BRSK2: variants seen among roughly 807,000 people sequenced by gnomAD.
BRSK2 encodes serine/threonine-protein kinase BRSK2.
In BRSK2, 19 loss-of-function variants were observed where a neutral mutation model predicts 83.3. The ratio of observed to expected loss-of-function variants is 0.23; its 90% CI spans 0.16 to 0.33. The LOEUF (loss-of-function observed/expected upper bound fraction) is 0.33, where lower values mean the gene tolerates loss of function less well. BRSK2 is among the 10% of genes least tolerant of loss of function. The pLI is 1.00. For missense variants in BRSK2, 798 were observed against 1,042.3 expected (o/e 0.77, Z 3.23); for synonymous variants, 519 against 435.4 (o/e 1.19, Z -2.39).
At position 1,442,565 on chromosome 11, in the gene BRSK2, G is replaced by A. The variant is rs61742447; in HGVS notation, c.489G>A (p.Ala163=). ...TCCGCATCGCAGACTTTGGCATGGC[G>A]TCCCTGCAGGTTGGCGACAGCCTGT... ...NNIRIADFGM[A]SLQVGDSLLE... The change falls in exon 5 of 20, where the codon GCG becomes GCA. Residue 163 remains alanine (A), a synonymous_variant. Coordinates refer to ENST00000528841, the MANE Select transcript of BRSK2 (RefSeq NM_001256627.2). 2,282 of 1,612,996 alleles carry A rather than the reference G, an allele frequency of 1.4e-3. 29 individuals are homozygous for A. In the African/African-American group the frequency reaches 0.027, roughly 19 times the overall value.
chr11:1,443,465 AC>A (rs1178877760), intron 7 of BRSK2, 23 bp from the exon 8 acceptor site: 2 of 1,560,280 alleles, frequency 1.3e-6, no homozygotes, highest in Non-Finnish European at 8.7e-7. Context: ...CCCCACGCTG[AC>A]CCCCACACCC....
intron 18 of BRSK2, 66 bp downstream of exon 18, chr11:1,456,753 C>T (rs1042898427): frequency 4.2e-5 from 63 of 1,502,280 alleles, no homozygotes; most frequent in Non-Finnish European, 5.2e-5. Context: ...TGGTGCTGCG[C>T]GGACGGGAGG....
At chr11:1,453,607 T>C (rs955405746) in intron 15 of BRSK2, among the ~76,000 whole-genome samples, 3 of 152,046 alleles carry the variant, frequency 2.0e-5, no homozygotes, top group African/African-American at 7.3e-5. Flanking sequence ...TCCCCGTGCT[T>C]GTCCGGCAGG....
intron 1 of BRSK2, chr11:1,411,338 G>A (rs957793611): frequency 7.1e-6 from 10 of 1,398,772 alleles, no homozygotes; most frequent in Non-Finnish European, 8.3e-6. Context: ...CCGGAGCAGG[G>A]GGCACAGTTC....
Position 1,445,476 on chromosome 11 carries a change from C to G in BRSK2, c.977+18C>G, listed in dbSNP as rs761722307. On this transcript the variant is annotated intron_variant, in intron 10 of 19. Coordinates refer to ENST00000528841, the MANE Select transcript of BRSK2 (RefSeq NM_001256627.2). ...TCCGAGGAGTGCGTCTGGGGCTGCT[C>G]CCGGGTGGGGCACGGGGCCTGAGGT... The G allele has an allele frequency of 1.9e-6, 3 of 1,610,960 alleles. No individual in the cohort carries two copies. Among genetic ancestry groups the G allele is most frequent in the Admixed American group, 3.3e-5 (2 of 59,888 alleles).
intron 1 of BRSK2, among the ~76,000 whole-genome samples, chr11:1,422,911 G>A (rs1385578234): frequency 6.6e-6 from 1 of 152,218 alleles, no homozygotes; most frequent in Non-Finnish European, 1.5e-5. Flanking sequence ...CCAACCTGGT[G>A]ATGTGGTGTC....
chr11:1,395,832 A>G (rs1273184961), intron 1 of BRSK2, among the ~76,000 whole-genome samples: 2 of 152,092 alleles, frequency 1.3e-5, no homozygotes, highest in Non-Finnish European at 2.9e-5. Flanking sequence ...TGTGCCAGGG[A>G]GGGCTTTCCA....
chr11:1,424,803 G>T (rs940197713), intron 1 of BRSK2, among the ~76,000 whole-genome samples: 6 of 151,536 alleles, frequency 4.0e-5, no homozygotes, highest in Admixed American at 1.3e-4. Context: ...TGCCAGGTGG[G>T]CTCCCTGGGA....
At chr11:1,425,412 G>C (rs543849704) in intron 1 of BRSK2, among the ~76,000 whole-genome samples, 1 of 152,200 alleles carries the variant, frequency 6.6e-6, no homozygotes, top group African/African-American at 2.4e-5. Context: ...CCAGGAGGAA[G>C]CTGTGGTGTC....
chr11:1,434,069 A>C lies in BRSK2; in HGVS notation c.92-1971A>C, dbSNP rs565622762. Among the ~76,000 whole-genome samples, 8 of 152,402 alleles carry C rather than the reference A, an allele frequency of 5.2e-5. No homozygotes were observed. In the East Asian group the frequency reaches 1.5e-3, roughly 29 times the overall value. ...GAGACAAAGGATTAATTTCCCAAAA[A>C]AATCAAAGGGCTCTTGCAAATTGGT... On this transcript the variant is annotated intron_variant, in intron 1 of 19. Coordinates refer to ENST00000528841, the MANE Select transcript of BRSK2 (RefSeq NM_001256627.2).
Position 1,460,696 on chromosome 11 carries a change from G to A in BRSK2, c.2184G>A (p.Pro728=), listed in dbSNP as rs1264594188. 2.5e-5 allele frequency: 37 copies of A among 1,474,680 alleles called. No homozygotes were observed. The highest frequency in any genetic ancestry group is 5.1e-5 in the East Asian group (2 of 39,034). The allele number at this position is 1,474,680 out of a possible 1,614,324, so 91.3% of individuals were successfully genotyped here. A position where few individuals can be genotyped will look rare whatever the true frequency, so the allele number is the denominator to read the frequency against. ...GCAAGGACACGGCCAAGATGGGCCC[G>A]CCCACCGCCCGCCGCGAGCAGCCTT... ...PTGKDTAKMG[P]PTARREQP is the part of the protein sequence containing the mutation. The change falls in exon 20 of 20, where the codon CCG becomes CCA. Residue 728 remains proline (P), a synonymous_variant. Transcript: ENST00000528841.
rs200527563 is a variant in BRSK2 at position 1,451,428 on chromosome 11, C to A, written c.1544+9C>A. 2 of 1,612,622 alleles carry A rather than the reference C, an allele frequency of 1.2e-6. No homozygotes were observed. Among genetic ancestry groups the A allele is most frequent in the South Asian group, 2.2e-5 (2 of 91,076 alleles). The stretch of plus-strand genomic sequence containing the variant: ...CCAGAGTCGTCCCCAGAGTAAGTGG[C>A]CCCTGCTGGAGGCCTCCTGGTACCT... On this transcript the variant is annotated intron_variant, in intron 15 of 19. Transcript: ENST00000528841.
At chr11:1,444,865 C>T (rs1851802679) in intron 8 of BRSK2, 106 bp from the exon 9 acceptor site, 2 of 1,051,038 alleles carry the variant, frequency 1.9e-6, no homozygotes, top group African/African-American at 1.6e-5. Context: ...CTCACCCTCT[C>T]CTGCTCTCTC....
In BRSK2 at chr11:1,438,489, C is replaced by A; in HGVS notation, c.272+98C>A. 9.1e-7 allele frequency: 1 copy of A among 1,100,176 alleles called. No individual in the cohort carries two copies. The allele number at this position is 1,100,176 out of a possible 1,614,324, so 68.2% of individuals were successfully genotyped here. ...GCTTGGGGAGCACAGGGGCTGGAGG[C>A]CAGGGGCGCCTGCTGCATCCCAGCA... is the stretch of plus-strand genomic sequence containing the variant. On this transcript the variant is annotated intron_variant, in intron 3 of 19. Coordinates refer to ENST00000528841, the MANE Select transcript of BRSK2 (RefSeq NM_001256627.2). This position sits in a 1 kb window ranked among gnomAD's most constrained non-coding sequence, Gnocchi z 6.4.
At chr11:1,410,430 T>C (rs1257360258) in intron 1 of BRSK2, 1 of 983,058 alleles carries the variant, frequency 1.0e-6, no homozygotes, top group East Asian at 1.2e-4. Context: ...CGGTGACAGT[T>C]GCAGAGTCCG....
rs1418008854 is a variant in BRSK2 at position 1,390,150 on chromosome 11, G to T, written c.-135G>T. The stretch of plus-strand genomic sequence containing the variant: ...GGCGGCGCGGGCGGACGCGGGCGGC[G>T]CGAAGCAGCGGGGCCCGCGGGGGCG... On this transcript the variant is annotated 5_prime_UTR_variant, in exon 1 of 20. Transcript: ENST00000528841. The surrounding 1 kb of genome is among the most constrained non-coding windows in gnomAD (Gnocchi z 6.8). 1.2e-5 allele frequency: 3 copies of T among 243,802 alleles called. No individual in the cohort carries two copies. The highest frequency in any genetic ancestry group is 1.9e-5 in the Non-Finnish European group (3 of 155,550). 15.1% of individuals were successfully genotyped at this position (243,802 alleles called of 1,614,324 possible).
chr11:1,446,112 G>GCTA lies in BRSK2; in HGVS notation c.1226+205_1226+206insCTA, dbSNP rs140079151. On this transcript the variant is annotated intron_variant, in intron 12 of 19. Transcript: ENST00000528841. ...GCTTAGCTGGGCTGGGCTGGGCTGG[G>GCTA]AGCTGAGCTGGGCTGGGCTGTGCTG... 1.9e-3 allele frequency among the ~76,000 whole-genome samples: 275 copies of GCTA among 143,378 alleles called. 1 individual carries two copies. The highest frequency in any genetic ancestry group is 7.3e-3 in the African/African-American group (263 of 36,190). The allele number at this position is 143,378 out of a possible 152,430, so 94.1% of individuals were successfully genotyped here.
At chr11:1,401,988 C>G (rs1388680191) in intron 1 of BRSK2, among the ~76,000 whole-genome samples, 1 of 152,180 alleles carries the variant, frequency 6.6e-6, no homozygotes, top group Non-Finnish European at 1.5e-5. Flanking sequence ...TGTTCGGTGC[C>G]TCCTGCTGGC....
rs199541793 is a variant in BRSK2 at position 1,429,048 on chromosome 11, CAT to C, written c.92-6991_92-6990del. Reference sequence around the variant, plus strand: ...CACGGGTGTGTCCTGGGTGCATGCACATGTGTACACAGGTGTGTGTGCATGGG... The same window carrying C: ...CACGGGTGTGTCCTGGGTGCATGCACGTGTACACAGGTGTGTGTGCATGGG... On this transcript the variant is annotated intron_variant, in intron 1 of 19. Coordinates refer to ENST00000528841, the MANE Select transcript of BRSK2 (RefSeq NM_001256627.2). Among the ~76,000 whole-genome samples, 632 of 139,556 alleles carry C rather than the reference CAT, an allele frequency of 4.5e-3. 9 individuals carry two copies. Among genetic ancestry groups the C allele is most frequent in the African/African-American group, 0.016 (587 of 36,342 alleles). 91.6% of individuals were successfully genotyped at this position (139,556 alleles called of 152,430 possible). A position where few individuals can be genotyped will look rare whatever the true frequency, so the allele number is the denominator to read the frequency against.
Sources: allele counts gnomAD v4.1 joint callset (sites outside exome capture counted in the v4.1 genomes callset), GRCh38; gene constraint gnomAD v4.1.1; non-coding constraint Gnocchi (gnomAD v3.1); transcripts MANE v1.5; gene names NCBI Gene and HGNC (gene_info 2026-07-23, HGNC 2026-07-21).